Variants in NLGN1 observed in about 807,000 individuals in gnomAD.
The protein encoded by NLGN1 is neuroligin-1.
Under a neutral mutation model 65.5 loss-of-function variants are expected in NLGN1, and 12 were observed. The observed-to-expected ratio is 0.18, with a 90% confidence interval of 0.12 to 0.30. NLGN1 has a LOEUF of 0.30. Among genes scored for constraint, NLGN1 ranks in the 10% least tolerant of loss-of-function variants. The pLI is 1.00. For missense variants in NLGN1, 750 were observed against 1,007.1 expected (o/e 0.74, Z 3.46); for synonymous variants, 350 against 359.5 (o/e 0.97, Z 0.30).
intron 2 of NLGN1, among the ~76,000 whole-genome samples, chr3:173,603,099 A>C (rs1750808229): frequency 6.6e-6 from 1 of 152,260 alleles, no homozygotes; most frequent in South Asian, 2.1e-4. Context: ...AGTAACACAA[A>C]GTCAGGGCAG....
In NLGN1 at chr3:173,523,356, G is replaced by A. The variant is rs188335528; in HGVS notation, c.-320-80923G>A. Among the ~76,000 whole-genome samples, 20 of 151,488 alleles carry A rather than the reference G, an allele frequency of 1.3e-4. No individual in the cohort carries two copies. The East Asian group carries it at 1.7e-3, about 13-fold the overall frequency. ...AGGCCCATATCCAGAAGAGTTTTCC[G>A]AGCTTTTCTTCTAGAAATTTTATAG... On this transcript the variant is annotated intron_variant, in intron 2 of 6. Coordinates refer to ENST00000457714, the Ensembl canonical transcript of NLGN1.
At chr3:174,288,495 CT>C (rs1177735064), downstream of NLGN1, among the ~76,000 whole-genome samples, 4 of 150,732 alleles carry the variant, frequency 2.7e-5, no homozygotes, top group East Asian at 2.0e-4. Context: ...ATTTCTTGCT[CT>C]TTTTTTTTCT....
At chr3:173,570,591 C>A (rs9877187) in intron 2 of NLGN1, among the ~76,000 whole-genome samples, 46 of 152,166 alleles carry the variant, frequency 3.0e-4, no homozygotes, top group African/African-American at 4.1e-4. Flanking sequence ...AGCCCTCCCC[C>A]CAATGGGTGC....
intron 3 of NLGN1, among the ~76,000 whole-genome samples, chr3:173,793,784 A>G (rs1713345809): frequency 6.6e-6 from 1 of 152,104 alleles, no homozygotes; most frequent in Admixed American, 6.6e-5. Flanking sequence ...GCTTCTATAT[A>G]AAATATTCCC....
exon 5 of NLGN1, chr3:174,275,479 A>G (rs1561453227): frequency 6.2e-7 from 1 of 1,612,272 alleles, no homozygotes; most frequent in Non-Finnish European, 8.5e-7. Context: ...CAACCTGCTG[A>G]CTTTATCCCA....
intron 2 of NLGN1, among the ~76,000 whole-genome samples, chr3:173,578,429 A>G (rs1383688512): frequency 6.6e-6 from 1 of 152,146 alleles, no homozygotes; most frequent in Non-Finnish European, 1.5e-5. Flanking sequence ...AAAAAAGAGT[A>G]CCCAACTCTT....
intron 4 of NLGN1, among the ~76,000 whole-genome samples, chr3:173,968,907 G>T (rs1286879805): frequency 6.6e-6 from 1 of 151,096 alleles, no homozygotes; most frequent in Admixed American, 6.6e-5. Context: ...TACCATGTTG[G>T]CCAGGCTGGT....
chr3:173,509,916 T>G (rs1338096226), intron 2 of NLGN1, among the ~76,000 whole-genome samples: 1 of 152,188 alleles, frequency 6.6e-6, no homozygotes, highest in Non-Finnish European at 1.5e-5. Context: ...AGAGTAGGTT[T>G]GCTTGTAAAC....
chr3:174,131,349 A>G (rs9838972), intron 4 of NLGN1, among the ~76,000 whole-genome samples: 3,488 of 152,258 alleles, frequency 0.023, 157 homozygotes, highest in African/African-American at 0.078. Flanking sequence ...GTTTTCACAC[A>G]TAGTCCTTAG....
At chr3:173,682,174 TGAAA>T (rs1764032543) in intron 3 of NLGN1, among the ~76,000 whole-genome samples, 2 of 152,302 alleles carry the variant, frequency 1.3e-5, no homozygotes, top group South Asian at 2.1e-4. Flanking sequence ...AAGAATTATA[TGAAA>T]GAGTTTATGT....
intron 4 of NLGN1, among the ~76,000 whole-genome samples, chr3:173,831,645 T>G (rs1386907799): frequency 6.6e-6 from 1 of 152,232 alleles, no homozygotes; most frequent in Non-Finnish European, 1.5e-5. Flanking sequence ...TTTAAAAATT[T>G]GTTATATGAA....
At chr3:173,618,532 A>G (rs1753495660) in intron 3 of NLGN1, among the ~76,000 whole-genome samples, 1 of 152,160 alleles carries the variant, frequency 6.6e-6, no homozygotes, top group Non-Finnish European at 1.5e-5. Flanking sequence ...CAGATTTCCC[A>G]GGGCAAGCCA....
intron 2 of NLGN1, among the ~76,000 whole-genome samples, chr3:173,493,501 G>A (rs1019837884): frequency 2.0e-5 from 3 of 151,850 alleles, no homozygotes; most frequent in African/African-American, 7.3e-5. Context: ...ATGTATGTTA[G>A]TTAATATATG....
At chr3:173,481,477 AT>A (rs1444740457) in intron 2 of NLGN1, among the ~76,000 whole-genome samples, 4 of 151,924 alleles carry the variant, frequency 2.6e-5, no homozygotes, top group African/African-American at 9.7e-5. Context: ...AAACTTGTAT[AT>A]TTTGTTTCTT....
chr3:173,732,810 A>G (rs1015509167), intron 3 of NLGN1, among the ~76,000 whole-genome samples: 8 of 152,024 alleles, frequency 5.3e-5, no homozygotes, highest in Non-Finnish European at 7.4e-5. Context: ...TTATTAGTAG[A>G]TGTTTATTTA....
At chr3:174,148,387 T>C (rs1723733410) in intron 4 of NLGN1, among the ~76,000 whole-genome samples, 1 of 152,144 alleles carries the variant, frequency 6.6e-6, no homozygotes, top group Non-Finnish European at 1.5e-5. Context: ...GGTAAGTACA[T>C]CTCCACTTTA....
At chr3:173,640,563 A>G (rs1757251274) in intron 3 of NLGN1, among the ~76,000 whole-genome samples, 1 of 152,170 alleles carries the variant, frequency 6.6e-6, no homozygotes, top group African/African-American at 2.4e-5. Context: ...TAAGAAAATT[A>G]ACATTTATTT....
chr3:173,568,860 T>A (rs1179458652), intron 2 of NLGN1, among the ~76,000 whole-genome samples: 1 of 152,100 alleles, frequency 6.6e-6, no homozygotes, highest in Non-Finnish European at 1.5e-5. Context: ...CTTGTATTTT[T>A]AGTAGAGACG....
At chr3:173,822,804 AT>A (rs1416200660) in intron 4 of NLGN1, among the ~76,000 whole-genome samples, 1 of 152,120 alleles carries the variant, frequency 6.6e-6, no homozygotes, top group Non-Finnish European at 1.5e-5. Flanking sequence ...CTTTTTTAAA[AT>A]GATACCATAT....
Sources: gnomAD v4.1 joint callset for allele counts (sites outside exome capture counted in the v4.1 genomes callset) on GRCh38, gnomAD v4.1.1 for gene constraint, MANE v1.5 for transcripts, NCBI Gene and HGNC (gene_info 2026-07-23, HGNC 2026-07-21) for gene names.